XYLB: variants seen among roughly 807,000 people sequenced by gnomAD.
The protein encoded by XYLB is xylulokinase.
In XYLB, 62 loss-of-function variants were observed where a neutral mutation model predicts 78.7. That is an observed-to-expected ratio of 0.79 (90% CI 0.64 to 0.97). The LOEUF (loss-of-function observed/expected upper bound fraction) is 0.97, where lower values mean the gene tolerates loss of function less well. Ranked by LOEUF, XYLB falls within the 50% of genes least tolerant of loss-of-function variation. The pLI, the probability that XYLB is intolerant of heterozygous loss-of-function variation, is 0.00. For missense variants in XYLB, 687 were observed against 676.8 expected (o/e 1.02, Z -0.17); for synonymous variants, 245 against 247.4 (o/e 0.99, Z 0.09).
intron 15 of XYLB, among the ~76,000 whole-genome samples, chr3:38,381,082 G>A (rs912962556): frequency 6.6e-6 from 1 of 152,202 alleles, no homozygotes; most frequent in African/African-American, 2.4e-5. Flanking sequence ...ACCAGACTGG[G>A]CAACATGGTG....
the XYLB span, among the ~76,000 whole-genome samples, chr3:38,447,310 A>G: frequency 6.6e-6 from 1 of 151,924 alleles, no homozygotes; most frequent in African/African-American, 2.4e-5. Context: ...ACTCTTTTTT[A>G]TTTTATTTTT....
At chr3:38,415,647 G>T (rs1034046823), downstream of XYLB, among the ~76,000 whole-genome samples, 2 of 152,108 alleles carry the variant, frequency 1.3e-5, no homozygotes, top group Admixed American at 6.5e-5. Context: ...GCTGGGTATG[G>T]TGGTGCACGC....
At chr3:38,404,110 G>A (rs764507197) in intron 18 of XYLB, among the ~76,000 whole-genome samples, 1 of 152,136 alleles carries the variant, frequency 6.6e-6, no homozygotes, top group African/African-American at 2.4e-5. Context: ...TCAGCTGAAC[G>A]TTGCAGTTTC....
chr3:38,405,815 G>A (rs990284685), intron 18 of XYLB, among the ~76,000 whole-genome samples: 4 of 152,250 alleles, frequency 2.6e-5, no homozygotes, highest in African/African-American at 9.6e-5. Context: ...ACTGCAAGGC[G>A]GCAGCCAGGC....
downstream of XYLB, among the ~76,000 whole-genome samples, chr3:38,421,568 T>C (rs1019017960): frequency 1.3e-5 from 2 of 152,182 alleles, no homozygotes; most frequent in Non-Finnish European, 2.9e-5. Flanking sequence ...TGTAGAGGTC[T>C]GGGAAAAGGT....
At chr3:38,402,752 T>C (rs1429907233) in intron 18 of XYLB, among the ~76,000 whole-genome samples, 2 of 152,106 alleles carry the variant, frequency 1.3e-5, no homozygotes, top group African/African-American at 2.4e-5. Flanking sequence ...TATAATCTAA[T>C]AGGAAATCTG....
rs377211294 is a variant in XYLB at position 38,372,645 on chromosome 3, C to T, written c.766-10C>T. 86 of 1,613,932 alleles carry T rather than the reference C, an allele frequency of 5.3e-5. No homozygotes were observed. Among genetic ancestry groups the T allele is most frequent in the South Asian group, 1.2e-4 (11 of 91,082 alleles). On this transcript the variant is annotated splice_polypyrimidine_tract_variant and intron_variant, in intron 9 of 18. Coordinates refer to ENST00000207870, the MANE Select transcript of XYLB (RefSeq NM_005108.4). The stretch of plus-strand genomic sequence containing the variant: ...CAACAGAGCACCTTTGCTTTGTCCC[C>T]GTCCCTCAGGGAGCCATTTCTTCCT...
the XYLB span, among the ~76,000 whole-genome samples, chr3:38,427,483 G>T: frequency 6.6e-6 from 1 of 152,206 alleles, no homozygotes; most frequent in Non-Finnish European, 1.5e-5. Context: ...TTCTGAATCA[G>T]ACTAGCTAGA....
At chr3:38,395,621 A>T in intron 16 of XYLB, 58 bp downstream of exon 16, 1 of 1,566,178 alleles carries the variant, frequency 6.4e-7, no homozygotes, top group Non-Finnish European at 8.8e-7. Context: ...TATGTCTAAG[A>T]GCCAGAGACT....
chr3:38,407,644 A>T (rs1038948970), intron 18 of XYLB, among the ~76,000 whole-genome samples: 3 of 150,886 alleles, frequency 2.0e-5, no homozygotes, highest in Non-Finnish European at 4.4e-5. Flanking sequence ...AACCCATCTC[A>T]TGTGCAGAGA....
At chr3:38,425,942 T>C (rs1709091400), downstream of XYLB, among the ~76,000 whole-genome samples, 1 of 152,250 alleles carries the variant, frequency 6.6e-6, no homozygotes, top group Non-Finnish European at 1.5e-5. Flanking sequence ...CATTCTATTT[T>C]AGCGGTAAGA....
intron 3 of XYLB, among the ~76,000 whole-genome samples, chr3:38,362,022 A>G (rs926956582): frequency 6.6e-6 from 1 of 152,108 alleles, no homozygotes. Flanking sequence ...GGAGGGTCCA[A>G]CCAGACAGTG....
intron 15 of XYLB, among the ~76,000 whole-genome samples, chr3:38,381,780 C>T (rs116844905): frequency 6.6e-6 from 1 of 152,172 alleles, no homozygotes; most frequent in Non-Finnish European, 1.5e-5. Flanking sequence ...ATCCCAAAAC[C>T]CTGTCTCCTG....
the XYLB span, among the ~76,000 whole-genome samples, chr3:38,449,744 T>C: frequency 6.6e-6 from 1 of 152,232 alleles, no homozygotes; most frequent in Non-Finnish European, 1.5e-5. Flanking sequence ...CCCTGAGTTA[T>C]TACAATGAGT....
chr3:38,368,511 G>T (rs1288975634), intron 8 of XYLB, among the ~76,000 whole-genome samples: 1 of 152,202 alleles, frequency 6.6e-6, no homozygotes, highest in Non-Finnish European at 1.5e-5. Context: ...TAGCTTGGAG[G>T]TACTGGTTCG....
Position 38,395,555 on chromosome 3 carries a change from A to C in XYLB, c.1342A>C (p.Ile448Leu), listed in dbSNP as rs572431589. The change falls in exon 16 of 19, where the codon ATC becomes CTC. Residue 448 changes from isoleucine (I) to leucine (L), a missense_variant. Transcript: ENST00000207870. ...ATGGASHNREILQVLADVFDA... is the reference protein window; with the variant it reads ...ATGGASHNRELLQVLADVFDA... ...AGGAGGAGCATCTCACAATAGAGAA[A>C]TCTTACAGGTAAGCGTTAGTAGTGG... 3 of 1,614,208 alleles carry C rather than the reference A, an allele frequency of 1.9e-6. No individual in the cohort carries two copies. The highest frequency in any genetic ancestry group is 2.5e-6 in the Non-Finnish European group (3 of 1,180,012).
intron 10 of XYLB, among the ~76,000 whole-genome samples, chr3:38,373,960 G>A (rs575015399): frequency 3.9e-5 from 6 of 151,966 alleles, no homozygotes; most frequent in South Asian, 4.2e-4. Flanking sequence ...CTAGGCTGCC[G>A]TGAGCTATGA....
At chr3:38,353,473 ATTTTTTTGTAT>A (rs1487304173) in intron 2 of XYLB, among the ~76,000 whole-genome samples, 3 of 151,614 alleles carry the variant, frequency 2.0e-5, no homozygotes, top group African/African-American at 7.3e-5. Flanking sequence ...TGACCAGCTA[ATTTTTTTGTAT>A]TTTTTTTGTA....
At position 38,368,172 on chromosome 3, in the gene XYLB, C is replaced by CT. The variant is rs1706362335; in HGVS notation, c.574-10dup. On this transcript the variant is annotated splice_polypyrimidine_tract_variant and intron_variant, in intron 7 of 18. Transcript: ENST00000207870. ...GGAAGTGAGGCACCTCTCACTGTTT[C>CT]TTTCCTTTACAGAGAATTTCTTTGG... 2 of 1,613,760 alleles carry CT rather than the reference C, an allele frequency of 1.2e-6. No homozygotes were observed. Among genetic ancestry groups the CT allele is most frequent in the Non-Finnish European group, 1.7e-6 (2 of 1,179,692 alleles).
Sources: gnomAD v4.1 joint callset for allele counts (sites outside exome capture counted in the v4.1 genomes callset) on GRCh38, gnomAD v4.1.1 for gene constraint, MANE v1.5 for transcripts, NCBI Gene and HGNC (gene_info 2026-07-23, HGNC 2026-07-21) for gene names.